DTD1: variants seen among roughly 807,000 people sequenced by gnomAD.
The protein encoded by DTD1 is D-aminoacyl-tRNA deacylase 1, also known as D-tyrosyl-tRNA deacylase 1 homolog.
Under a neutral mutation model 25.6 loss-of-function variants are expected in DTD1, and 13 were observed. The observed-to-expected ratio is 0.51, with a 90% CI of 0.33 to 0.81. The LOEUF is 0.81. Among genes scored for constraint, DTD1 ranks in the 30% least tolerant of loss-of-function variants. DTD1 has a pLI of 0.02. For synonymous variants in DTD1, 110 were observed against 103.6 expected, an observed-to-expected ratio of 1.06 and a Z score of -0.37; for missense variants, 193 against 266.4, an observed-to-expected ratio of 0.72 and a Z score of 1.92.
At chr20:18,705,361 C>T (rs537084385) in intron 4 of DTD1, among the ~76,000 whole-genome samples, 1 of 152,292 alleles carries the variant, frequency 6.6e-6, no homozygotes, top group South Asian at 2.1e-4. Context: ...TGCCCTCCAA[C>T]ACAAAAACCA....
intron 4 of DTD1, among the ~76,000 whole-genome samples, chr20:18,730,387 T>C (rs2061235920): frequency 6.6e-6 from 1 of 152,166 alleles, no homozygotes; most frequent in African/African-American, 2.4e-5. Flanking sequence ...CATTGCCAAA[T>C]TGCATTCCCA....
intron 4 of DTD1, among the ~76,000 whole-genome samples, chr20:18,677,388 C>T (rs185279661): frequency 2.2e-4 from 33 of 152,096 alleles, no homozygotes; most frequent in Admixed American, 5.9e-4. Context: ...ATGAGATGCT[C>T]CTAGTTTATG....
chr20:18,726,959 A>G (rs1013627292), intron 4 of DTD1, among the ~76,000 whole-genome samples: 7 of 152,194 alleles, frequency 4.6e-5, no homozygotes, highest in Non-Finnish European at 8.8e-5. Context: ...AAGAGTTACC[A>G]ATCTTTGCAT....
At chr20:18,695,476 C>CTTCCCTTCCCTTCCTTTCCT (rs2061069663) in intron 4 of DTD1, among the ~76,000 whole-genome samples, 3 of 714 alleles carry the variant, frequency 4.2e-3, no homozygotes, top group African/African-American at 6.1e-3. Context: ...CCTTCTTTCC[C>CTTCCCTTCCCTTCCTTTCCT]TTCCCTTCCC....
At chr20:18,601,824 A>G (rs2060636565) in intron 3 of DTD1, among the ~76,000 whole-genome samples, 1 of 151,986 alleles carries the variant, frequency 6.6e-6, no homozygotes, top group African/African-American at 2.4e-5. Flanking sequence ...AAGATGGGGA[A>G]AAAACAGAAC....
At chr20:18,659,915 A>AAAAGAAAG (rs142198714) in intron 4 of DTD1, among the ~76,000 whole-genome samples, 2 of 150,714 alleles carry the variant, frequency 1.3e-5, no homozygotes, top group East Asian at 2.0e-4. Context: ...ATAACTTTAA[A>AAAAGAAAG]AAAGAAAGAA....
chr20:18,702,937 C>T (rs972308167), intron 4 of DTD1, among the ~76,000 whole-genome samples: 1 of 152,168 alleles, frequency 6.6e-6, no homozygotes, highest in East Asian at 1.9e-4. Context: ...CTCTGGGCTG[C>T]TGCCATCCAG....
intron 3 of DTD1, among the ~76,000 whole-genome samples, chr20:18,613,229 T>C (rs1449409309): frequency 6.6e-6 from 1 of 152,220 alleles, no homozygotes; most frequent in Admixed American, 6.5e-5. Flanking sequence ...TCAGCCCTTG[T>C]GCTAGGCTCT....
intron 4 of DTD1, among the ~76,000 whole-genome samples, chr20:18,720,652 T>A (rs1486548613): frequency 6.6e-6 from 1 of 152,082 alleles, no homozygotes; most frequent in Non-Finnish European, 1.5e-5. Flanking sequence ...TCCGGGAGTT[T>A]GAGACAAGCC....
At chr20:18,588,138 C>T (rs1030991855) in intron 1 of DTD1, 23 bp downstream of exon 1, 1 of 1,258,724 alleles carries the variant, frequency 7.9e-7, no homozygotes, top group Non-Finnish European at 1.0e-6. Context: ...GGGCCGGGCC[C>T]GGGAGGAGCC....
intron 3 of DTD1, among the ~76,000 whole-genome samples, chr20:18,625,947 C>G (rs2060755753): frequency 6.6e-6 from 1 of 152,216 alleles, no homozygotes; most frequent in African/African-American, 2.4e-5. Context: ...CCACACAGGG[C>G]CAGCTCTGGA....
At chr20:18,721,180 C>T (rs2061201915) in intron 4 of DTD1, among the ~76,000 whole-genome samples, 1 of 152,210 alleles carries the variant, frequency 6.6e-6, no homozygotes, top group Non-Finnish European at 1.5e-5. Flanking sequence ...TATTGTTTCA[C>T]CATCCAGATG....
intron 4 of DTD1, among the ~76,000 whole-genome samples, chr20:18,647,297 G>T (rs1455896042): frequency 6.6e-6 from 1 of 152,126 alleles, no homozygotes; most frequent in African/African-American, 2.4e-5. Context: ...TTTCTGTGTG[G>T]TGGGTGCTAG....
chr20:18,660,944 G>A (rs2060907430), intron 4 of DTD1, among the ~76,000 whole-genome samples: 2 of 152,226 alleles, frequency 1.3e-5, no homozygotes, highest in Non-Finnish European at 2.9e-5. Flanking sequence ...GATATTGACA[G>A]TGATTTTATC....
At chr20:18,688,131 T>C (rs182982563) in intron 4 of DTD1, among the ~76,000 whole-genome samples, 6 of 152,358 alleles carry the variant, frequency 3.9e-5, no homozygotes, top group Non-Finnish European at 5.9e-5. Flanking sequence ...GCTAAAGTTA[T>C]GTCAGTATAA....
chr20:18,629,034 T>C (rs2060771694), intron 4 of DTD1, among the ~76,000 whole-genome samples: 1 of 147,994 alleles, frequency 6.8e-6, no homozygotes, highest in Non-Finnish European at 1.5e-5. Context: ...CTCGCTCTTG[T>C]TGCCCAGGCT....
chr20:18,645,613 C>G (rs540083763), intron 4 of DTD1, among the ~76,000 whole-genome samples: 3 of 152,174 alleles, frequency 2.0e-5, no homozygotes, highest in Admixed American at 2.0e-4. Context: ...ACAAAGGAAC[C>G]ACAGAGGTTT....
intron 4 of DTD1, among the ~76,000 whole-genome samples, chr20:18,737,302 C>T (rs2061259625): frequency 6.6e-6 from 1 of 152,194 alleles, no homozygotes; most frequent in African/African-American, 2.4e-5. Context: ...ATGCCAGTCC[C>T]TGGAGTGCCC....
At chr20:18,743,401 A>G (rs1280477871) in intron 4 of DTD1, among the ~76,000 whole-genome samples, 2 of 152,244 alleles carry the variant, frequency 1.3e-5, no homozygotes, top group Non-Finnish European at 2.9e-5. Flanking sequence ...AACATTCTTT[A>G]GAAAACACGT....
Sources: allele counts gnomAD v4.1 joint callset (sites outside exome capture counted in the v4.1 genomes callset), GRCh38; gene constraint gnomAD v4.1.1; transcripts MANE v1.5; gene names NCBI Gene and HGNC (gene_info 2026-07-23, HGNC 2026-07-21).